The following SLC35F1 variants were observed in gnomAD, a reference collection of about 807,000 sequenced individuals.
SLC35F1 encodes the protein solute carrier family 35 member F1.
A neutral mutation model predicts 48.7 loss-of-function variants in SLC35F1; 14 were observed. That is an observed-to-expected ratio of 0.29 (90% CI 0.19 to 0.45). SLC35F1 has a LOEUF of 0.45. Among genes scored for constraint, SLC35F1 ranks in the 20% least tolerant of loss-of-function variants. The probability of loss-of-function intolerance (pLI) is 1.00; values close to 1 mark genes in which losing one functional copy is unlikely to be tolerated. For missense variants in SLC35F1, 404 were observed against 500.0 expected (o/e 0.81, Z 1.83); for synonymous variants, 190 against 202.2 (o/e 0.94, Z 0.51).
chr6:118,005,021 T>C (rs9372490), intron 1 of SLC35F1, among the ~76,000 whole-genome samples: 151,364 of 152,246 alleles, frequency 0.99, 75,248 homozygotes, highest in Middle Eastern at 1. Flanking sequence ...GTCACAGGCA[T>C]GCTAGGATAT....
chr6:118,148,214 A>T (rs1043535185), intron 1 of SLC35F1, among the ~76,000 whole-genome samples: 2 of 152,228 alleles, frequency 1.3e-5, no homozygotes, highest in African/African-American at 4.8e-5. Context: ...ATGTCGCCAC[A>T]GAAAAGTTGA....
chr6:118,175,900 A>G (rs1165216120), intron 2 of SLC35F1, among the ~76,000 whole-genome samples: 1 of 152,048 alleles, frequency 6.6e-6, no homozygotes, highest in Admixed American at 6.6e-5. Flanking sequence ...AAGGTGAAAA[A>G]TAACTTTTCT....
intron 2 of SLC35F1, among the ~76,000 whole-genome samples, chr6:118,159,247 A>AAAAAAAG (rs1774191640): frequency 6.8e-6 from 1 of 146,628 alleles, no homozygotes; most frequent in African/African-American, 2.5e-5. Flanking sequence ...AAAAAAAAAA[A>AAAAAAAG]GTGCTTACTG....
chr6:118,256,422 C>A (rs538941235), intron 3 of SLC35F1, among the ~76,000 whole-genome samples: 1 of 152,176 alleles, frequency 6.6e-6, no homozygotes, highest in South Asian at 2.1e-4. Flanking sequence ...TACCAGTTGC[C>A]TCAGGTTTAG....
intron 1 of SLC35F1, among the ~76,000 whole-genome samples, chr6:118,121,227 G>A (rs1317054238): frequency 2.6e-5 from 4 of 152,142 alleles, no homozygotes; most frequent in African/African-American, 9.7e-5. Flanking sequence ...CATGCTTAGA[G>A]AAGGTATTTA....
At chr6:117,915,712 A>T (rs1775818088) in intron 1 of SLC35F1, among the ~76,000 whole-genome samples, 1 of 152,224 alleles carries the variant, frequency 6.6e-6, no homozygotes, top group African/African-American at 2.4e-5. Flanking sequence ...GTTACTGAGT[A>T]GAGAAATGAC....
At chr6:118,142,379 A>C (rs759167539) in intron 1 of SLC35F1, among the ~76,000 whole-genome samples, 1 of 152,216 alleles carries the variant, frequency 6.6e-6, no homozygotes, top group African/African-American at 2.4e-5. Context: ...GTCTTTAAAC[A>C]TTCTCCTTAG....
chr6:117,991,642 C>T (rs1032245655), intron 1 of SLC35F1, among the ~76,000 whole-genome samples: 3 of 152,136 alleles, frequency 2.0e-5, no homozygotes, highest in African/African-American at 7.2e-5. Context: ...CTGCTGCATA[C>T]GTCTTTTAAT....
At chr6:118,122,044 A>G (rs1406796411) in intron 1 of SLC35F1, among the ~76,000 whole-genome samples, 7 of 152,158 alleles carry the variant, frequency 4.6e-5, no homozygotes, top group South Asian at 2.1e-4. Context: ...AGAAAATAGG[A>G]AGCTGATAAA....
intron 1 of SLC35F1, among the ~76,000 whole-genome samples, chr6:118,053,485 T>A (rs1772419796): frequency 6.6e-6 from 1 of 152,146 alleles, no homozygotes; most frequent in Non-Finnish European, 1.5e-5. Flanking sequence ...ATACAGAAGG[T>A]CATTAAATAA....
chr6:118,012,003 T>A (rs1259220850), intron 1 of SLC35F1, among the ~76,000 whole-genome samples: 2 of 152,168 alleles, frequency 1.3e-5, no homozygotes, highest in Non-Finnish European at 2.9e-5. Context: ...CCTGACATTT[T>A]AAAAAATGAT....
At chr6:117,950,200 G>T (rs151182880) in intron 1 of SLC35F1, among the ~76,000 whole-genome samples, 2 of 152,142 alleles carry the variant, frequency 1.3e-5, no homozygotes, top group Non-Finnish European at 2.9e-5. Context: ...TCCTAGCAAC[G>T]AGTTTGACTC....
chr6:117,972,155 C>G (rs1337476355), intron 1 of SLC35F1, among the ~76,000 whole-genome samples: 2 of 152,176 alleles, frequency 1.3e-5, no homozygotes, highest in African/African-American at 4.8e-5. Context: ...TCACAGATCT[C>G]TAAGGTAGGG....
At chr6:118,063,404 A>G (rs1241134009) in intron 1 of SLC35F1, among the ~76,000 whole-genome samples, 4 of 146,068 alleles carry the variant, frequency 2.7e-5, no homozygotes, top group Non-Finnish European at 6.2e-5. Context: ...CACCAGATAA[A>G]GGGGCAAAAA....
intron 1 of SLC35F1, among the ~76,000 whole-genome samples, chr6:118,031,157 T>C (rs973605578): frequency 2.0e-5 from 3 of 152,204 alleles, no homozygotes; most frequent in African/African-American, 7.2e-5. Context: ...AATCAGTATC[T>C]TTTTGAGGCA....
chr6:118,019,862 G>T (rs1371791276), intron 1 of SLC35F1, among the ~76,000 whole-genome samples: 1 of 152,094 alleles, frequency 6.6e-6, no homozygotes, highest in East Asian at 1.9e-4. Flanking sequence ...TAGTTCTGTG[G>T]TCCCTATTTC....
At chr6:118,044,325 C>A (rs1387173821) in intron 1 of SLC35F1, among the ~76,000 whole-genome samples, 1 of 152,198 alleles carries the variant, frequency 6.6e-6, no homozygotes, top group Non-Finnish European at 1.5e-5. Flanking sequence ...TCCCTGTCTG[C>A]CATCGCCCTT....
intron 1 of SLC35F1, among the ~76,000 whole-genome samples, chr6:118,126,202 G>A (rs1159315895): frequency 1.3e-5 from 2 of 152,116 alleles, no homozygotes; most frequent in African/African-American, 2.4e-5. Flanking sequence ...GATACAAACA[G>A]TGCTCTCCTT....
intron 1 of SLC35F1, among the ~76,000 whole-genome samples, chr6:118,110,376 A>G (rs1168844545): frequency 3.3e-5 from 5 of 152,176 alleles, no homozygotes; most frequent in African/African-American, 1.2e-4. Context: ...AATAAACTGT[A>G]ATTGACAAAT....
Sources: allele counts gnomAD v4.1 joint callset (sites outside exome capture counted in the v4.1 genomes callset), GRCh38; gene constraint gnomAD v4.1.1; transcripts MANE v1.5; gene names NCBI Gene and HGNC (gene_info 2026-07-23, HGNC 2026-07-21).